Variants in HS3ST4 observed in about 807,000 individuals in gnomAD.
The protein encoded by HS3ST4 is heparan sulfate-glucosamine 3-sulfotransferase 4, also known as heparan sulfate glucosamine 3-O-sulfotransferase 4.
A neutral mutation model predicts 29.2 loss-of-function variants in HS3ST4; 17 were observed. The ratio of observed to expected loss-of-function variants is 0.58; its 90% CI spans 0.40 to 0.87. The LOEUF (loss-of-function observed/expected upper bound fraction) is 0.87, where lower values mean the gene tolerates loss of function less well. Among genes scored for constraint, HS3ST4 ranks in the 40% least tolerant of loss-of-function variants. HS3ST4 has a pLI of 0.00. For synonymous variants in HS3ST4, 314 were observed against 285.7 expected (o/e 1.10, Z -1.00); for missense variants, 627 against 634.5 (o/e 0.99, Z 0.13).
chr16:25,845,237 G>A (rs1228550182), intron 1 of HS3ST4, among the ~76,000 whole-genome samples: 1 of 152,154 alleles, frequency 6.6e-6, no homozygotes. Context: ...GGCCGGGCAC[G>A]GGGATTCATG....
At chr16:25,955,339 A>G (rs1968720960) in intron 1 of HS3ST4, among the ~76,000 whole-genome samples, 2 of 152,210 alleles carry the variant, frequency 1.3e-5, no homozygotes, top group South Asian at 2.1e-4. Flanking sequence ...TAAAGGTGCA[A>G]TAAACCTCGT....
At chr16:26,034,661 G>T (rs1334154463) in intron 1 of HS3ST4, among the ~76,000 whole-genome samples, 1 of 133,750 alleles carries the variant, frequency 7.5e-6, no homozygotes, top group Non-Finnish European at 1.5e-5. Context: ...CCATTAAATA[G>T]CAGGGGCGGG....
At chr16:25,877,532 T>C (rs1024775321) in intron 1 of HS3ST4, among the ~76,000 whole-genome samples, 5 of 152,158 alleles carry the variant, frequency 3.3e-5, no homozygotes, top group African/African-American at 9.7e-5. Flanking sequence ...AGAGTGCTAA[T>C]ATGACAACAG....
chr16:25,934,239 G>A (rs1968496111), intron 1 of HS3ST4, among the ~76,000 whole-genome samples: 1 of 152,168 alleles, frequency 6.6e-6, no homozygotes, highest in African/African-American at 2.4e-5. Context: ...GGGTCTAGAA[G>A]CAATTACCCA....
intron 1 of HS3ST4, among the ~76,000 whole-genome samples, chr16:25,756,669 C>T (rs528183389): frequency 7.2e-5 from 11 of 152,236 alleles, no homozygotes; most frequent in East Asian, 5.8e-4. Context: ...TACATCCTTG[C>T]GGTGAAACTG....
intron 1 of HS3ST4, among the ~76,000 whole-genome samples, chr16:25,745,712 A>G (rs1209825967): frequency 6.6e-6 from 1 of 152,180 alleles, no homozygotes; most frequent in Non-Finnish European, 1.5e-5. Context: ...AATATGCTGT[A>G]TGTCAGTTTG....
chr16:26,076,147 G>A (rs774271137), intron 1 of HS3ST4, among the ~76,000 whole-genome samples: 1 of 152,166 alleles, frequency 6.6e-6, no homozygotes, highest in Non-Finnish European at 1.5e-5. Context: ...CTCTGTTAAA[G>A]TACAAAGCAC....
intron 1 of HS3ST4, among the ~76,000 whole-genome samples, chr16:25,987,823 T>C (rs1272970009): frequency 6.6e-6 from 1 of 151,930 alleles, no homozygotes; most frequent in Non-Finnish European, 1.5e-5. Flanking sequence ...TGGGCTGGAG[T>C]GCAGTGACAC....
chr16:26,057,065 A>G (rs1898417532), intron 1 of HS3ST4, among the ~76,000 whole-genome samples: 1 of 152,160 alleles, frequency 6.6e-6, no homozygotes, highest in Admixed American at 6.5e-5. Context: ...TGCTCAAAGG[A>G]AGTGCTCATT....
chr16:25,732,854 C>G (rs1238558438), intron 1 of HS3ST4, among the ~76,000 whole-genome samples: 1 of 152,152 alleles, frequency 6.6e-6, no homozygotes, highest in African/African-American at 2.4e-5. Context: ...CGCAATAGTT[C>G]CTCCTTCTTA....
chr16:25,835,700 G>A (rs1037843114), intron 1 of HS3ST4, among the ~76,000 whole-genome samples: 1 of 152,182 alleles, frequency 6.6e-6, no homozygotes, highest in African/African-American at 2.4e-5. Flanking sequence ...GTCTGCATAA[G>A]GGCAATTCTG....
chr16:25,874,574 CT>C (rs1428154751), intron 1 of HS3ST4, among the ~76,000 whole-genome samples: 1 of 152,160 alleles, frequency 6.6e-6, no homozygotes, highest in Non-Finnish European at 1.5e-5. Flanking sequence ...CATCCACCAA[CT>C]TATCCATACA....
chr16:26,096,791 T>G (rs1471488905), intron 1 of HS3ST4, among the ~76,000 whole-genome samples: 1 of 152,144 alleles, frequency 6.6e-6, no homozygotes, highest in African/African-American at 2.4e-5. Context: ...GGAAGTCAGA[T>G]TGTCCCTGTT....
intron 1 of HS3ST4, among the ~76,000 whole-genome samples, chr16:25,817,284 T>C (rs551204421): frequency 6.6e-5 from 10 of 152,338 alleles, no homozygotes; most frequent in Non-Finnish European, 1.5e-4. Context: ...TTAGTTAATA[T>C]GGCTGTGGTT....
intron 1 of HS3ST4, among the ~76,000 whole-genome samples, chr16:26,107,648 G>A (rs1461154686): frequency 1.4e-4 from 22 of 152,076 alleles, no homozygotes; most frequent in Admixed American, 1.4e-3. Flanking sequence ...ATGATATTTG[G>A]TTTTCCATTC....
At chr16:25,951,029 G>A (rs1418387368) in intron 1 of HS3ST4, among the ~76,000 whole-genome samples, 1 of 152,148 alleles carries the variant, frequency 6.6e-6, no homozygotes, top group African/African-American at 2.4e-5. Flanking sequence ...AGGAAGCAGG[G>A]ATTATATCCA....
intron 1 of HS3ST4, among the ~76,000 whole-genome samples, chr16:25,829,577 C>T (rs1252565562): frequency 2.0e-5 from 3 of 152,010 alleles, no homozygotes; most frequent in East Asian, 1.9e-4. Flanking sequence ...CCCCTTGCCC[C>T]GACCCTGCAA....
At chr16:25,941,631 C>T (rs1020341853) in intron 1 of HS3ST4, among the ~76,000 whole-genome samples, 9 of 152,168 alleles carry the variant, frequency 5.9e-5, no homozygotes, top group Non-Finnish European at 1.2e-4. Context: ...GGCTGGAGTG[C>T]GGTGGTGCAA....
chr16:25,725,000 C>A (rs1211572855), intron 1 of HS3ST4, among the ~76,000 whole-genome samples: 1 of 144,756 alleles, frequency 6.9e-6, no homozygotes, highest in African/African-American at 2.5e-5. Flanking sequence ...TGCCTTTTCT[C>A]CCTCTTCTAT....
Sources: allele counts gnomAD v4.1 joint callset (sites outside exome capture counted in the v4.1 genomes callset), GRCh38; gene constraint gnomAD v4.1.1; transcripts MANE v1.5; gene names NCBI Gene and HGNC (gene_info 2026-07-23, HGNC 2026-07-21).